Variants in CADPS observed in about 807,000 individuals in gnomAD.
CADPS encodes calcium-dependent secretion activator 1.
A neutral mutation model predicts 167.3 loss-of-function variants in CADPS; 57 were observed. The observed-to-expected ratio is 0.34, with a 90% CI of 0.28 to 0.42. CADPS has a LOEUF of 0.42. Ranked by LOEUF, CADPS falls within the 20% of genes least tolerant of loss-of-function variation. The probability of loss-of-function intolerance (pLI) is 1.00; values close to 1 mark genes in which losing one functional copy is unlikely to be tolerated. For synonymous variants in CADPS, 676 were observed against 635.3 expected (o/e 1.06, Z -0.96); for missense variants, 1,414 against 1,738.1 (o/e 0.81, Z 3.32).
chr3:62,584,991 C>T (rs1331618923), intron 8 of CADPS, among the ~76,000 whole-genome samples, 194 bp downstream of exon 8: 1 of 152,196 alleles, frequency 6.6e-6, no homozygotes, highest in African/African-American at 2.4e-5. Flanking sequence ...TCTATTTTGA[C>T]AGCAAAAATG....
intron 28 of CADPS, among the ~76,000 whole-genome samples, chr3:62,435,375 G>A (rs943780671): frequency 6.6e-6 from 1 of 152,150 alleles, no homozygotes; most frequent in Admixed American, 6.6e-5. Flanking sequence ...GGAAACAGAA[G>A]CCGAAAATAA....
intron 11 of CADPS, among the ~76,000 whole-genome samples, chr3:62,541,140 C>T (rs984858248): frequency 6.6e-6 from 1 of 152,112 alleles, no homozygotes; most frequent in Non-Finnish European, 1.5e-5. Flanking sequence ...TTTTCATTAA[C>T]CGTATTTTTC....
intron 1 of CADPS, among the ~76,000 whole-genome samples, chr3:62,810,283 A>G (rs937087128): frequency 2.0e-5 from 3 of 152,190 alleles, no homozygotes; most frequent in African/African-American, 4.8e-5. Flanking sequence ...GGTAAAGACG[A>G]TAATGTTATC....
intron 1 of CADPS, among the ~76,000 whole-genome samples, chr3:62,786,662 T>A (rs1227348496): frequency 6.7e-6 from 1 of 149,688 alleles, no homozygotes; most frequent in Non-Finnish European, 1.5e-5. Flanking sequence ...CACACACACA[T>A]GCACATGTGC....
At chr3:62,523,354 C>T (rs1277787384) in intron 13 of CADPS, among the ~76,000 whole-genome samples, 1 of 152,054 alleles carries the variant, frequency 6.6e-6, no homozygotes, top group East Asian at 1.9e-4. Flanking sequence ...TAATGTGAAA[C>T]ATTTTAATAT....
chr3:62,565,729 C>T (rs895449532), intron 9 of CADPS, among the ~76,000 whole-genome samples: 2 of 152,280 alleles, frequency 1.3e-5, no homozygotes, highest in East Asian at 1.9e-4. Flanking sequence ...GTAATTTTAG[C>T]TCTGATCCTT....
intron 9 of CADPS, among the ~76,000 whole-genome samples, chr3:62,563,585 A>C (rs1562211049): frequency 6.6e-6 from 1 of 152,170 alleles, no homozygotes; most frequent in African/African-American, 2.4e-5. Context: ...GGTGATATTC[A>C]GTTACATGAG....
chr3:62,515,067 T>G (rs1372458226), intron 16 of CADPS, among the ~76,000 whole-genome samples: 2 of 152,106 alleles, frequency 1.3e-5, no homozygotes, highest in African/African-American at 4.8e-5. Flanking sequence ...TTTGACATAA[T>G]CTTAACCTAA....
intron 27 of CADPS, among the ~76,000 whole-genome samples, chr3:62,444,793 A>G (rs1307372193): frequency 2.6e-5 from 4 of 152,208 alleles, no homozygotes; most frequent in Non-Finnish European, 5.9e-5. Flanking sequence ...GGGGAAATGA[A>G]TTTAAATGTT....
intron 1 of CADPS, among the ~76,000 whole-genome samples, chr3:62,873,957 C>T (rs2083144628): frequency 6.6e-6 from 1 of 152,166 alleles, no homozygotes; most frequent in South Asian, 2.1e-4. Flanking sequence ...GACACTTTGG[C>T]GACGCTAGTC....
At chr3:62,791,771 G>C (rs2092967898) in intron 1 of CADPS, among the ~76,000 whole-genome samples, 1 of 152,138 alleles carries the variant, frequency 6.6e-6, no homozygotes, top group Non-Finnish European at 1.5e-5. Context: ...AAACTGTTCT[G>C]GCAATGCCCT....
intron 9 of CADPS, among the ~76,000 whole-genome samples, chr3:62,567,725 C>A (rs2080520762): frequency 6.6e-6 from 1 of 151,856 alleles, no homozygotes; most frequent in African/African-American, 2.4e-5. Context: ...CAGGTGCGAG[C>A]CAGCATGCCT....
intron 1 of CADPS, among the ~76,000 whole-genome samples, chr3:62,803,148 T>C (rs2093876762): frequency 6.6e-6 from 1 of 151,998 alleles, no homozygotes; most frequent in African/African-American, 2.4e-5. Context: ...AACTCCACAT[T>C]GCTACACCTG....
chr3:62,766,061 C>T (rs747219994), intron 1 of CADPS, 77 bp from the exon 2 acceptor site: 12 of 1,018,294 alleles, frequency 1.2e-5, no homozygotes, highest in Non-Finnish European at 1.8e-5. Flanking sequence ...GCTGAAGATG[C>T]CAGACCCATT....
chr3:62,633,170 CA>C (rs903042245), intron 6 of CADPS, among the ~76,000 whole-genome samples: 4 of 152,134 alleles, frequency 2.6e-5, no homozygotes, highest in African/African-American at 9.7e-5. Context: ...AAAGAGCGGA[CA>C]ATGGGAATGA....
At chr3:62,462,182 T>C (rs2059429376) in intron 26 of CADPS, among the ~76,000 whole-genome samples, 1 of 152,246 alleles carries the variant, frequency 6.6e-6, no homozygotes, top group Admixed American at 6.5e-5. Flanking sequence ...TAGTTGCTAA[T>C]TGCGTCTTCC....
At chr3:62,517,148 G>T (rs1194709607) in intron 14 of CADPS, among the ~76,000 whole-genome samples, 5 of 152,048 alleles carry the variant, frequency 3.3e-5, no homozygotes, top group Non-Finnish European at 7.4e-5. Flanking sequence ...TACCGGTAAT[G>T]CATTTTACAT....
At chr3:62,536,690 T>C in intron 11 of CADPS, 109 bp from the exon 12 acceptor site, 1 of 1,108,100 alleles carries the variant, frequency 9.0e-7, no homozygotes, top group Non-Finnish European at 1.3e-6. Context: ...CGTTAGCTGT[T>C]TCCCCGTTGC....
At chr3:62,843,108 A>G (rs528310176) in intron 1 of CADPS, among the ~76,000 whole-genome samples, 3 of 152,190 alleles carry the variant, frequency 2.0e-5, no homozygotes, top group Admixed American at 6.5e-5. Flanking sequence ...TTAACTTCCA[A>G]TTTTTTTCCT....
Sources: allele counts gnomAD v4.1 joint callset (sites outside exome capture counted in the v4.1 genomes callset), GRCh38; gene constraint gnomAD v4.1.1; transcripts MANE v1.5; gene names NCBI Gene and HGNC (gene_info 2026-07-23, HGNC 2026-07-21).